Variants in CDC73 observed in about 807,000 individuals in gnomAD.
CDC73 encodes parafibromin.
CDC73 carries 21 observed loss-of-function variants against 83.7 expected under a neutral mutation model. The observed-to-expected ratio is 0.25, with a 90% CI of 0.18 to 0.36. The LOEUF is 0.36. Among genes scored for constraint, CDC73 ranks in the 10% least tolerant of loss-of-function variants. The pLI is 1.00. For missense variants in CDC73, 342 were observed against 653.3 expected, an observed-to-expected ratio of 0.52 and a Z score of 5.19; for synonymous variants, 224 against 212.9, an observed-to-expected ratio of 1.05 and a Z score of -0.45.
chr1:193,200,064 CAA>C (rs34458896), intron 10 of CDC73, among the ~76,000 whole-genome samples: 126 of 138,926 alleles, frequency 9.1e-4, no homozygotes, highest in Middle Eastern at 3.7e-3. Flanking sequence ...CTGTCTCCAC[CAA>C]AAAAAAAAAA....
At chr1:193,155,731 T>A (rs1409033471) in intron 10 of CDC73, among the ~76,000 whole-genome samples, 1 of 152,060 alleles carries the variant, frequency 6.6e-6, no homozygotes, top group Non-Finnish European at 1.5e-5. Context: ...GAGCCAGGAT[T>A]ATGCCACTGC....
Position 193,122,257 on chromosome 1 carries a change from G to A in CDC73, c.57G>A (p.Val19=), listed in dbSNP as rs1675464727. ...RQYNIQKKEI[V]VKGDEVIFGE... ...ACAACATCCAGAAGAAGGAGATTGT[G>A]GTGAAGGGAGACGAAGTGATCTTCG... The change falls in exon 1 of 17, where the codon GTG becomes GTA. Residue 19 remains valine, a synonymous_variant. Transcript: ENST00000367435. The A allele has an allele frequency of 2.5e-6, 4 of 1,614,104 alleles. No individual in the cohort carries two copies. Among genetic ancestry groups the A allele is most frequent in the South Asian group, 1.1e-5 (1 of 91,086 alleles).
At position 193,176,777 on chromosome 1, in the gene CDC73, C is replaced by T. The variant is rs1400563393; in HGVS notation, c.972+24333C>T. Among the ~76,000 whole-genome samples, 5 of 152,192 alleles carry T rather than the reference C, an allele frequency of 3.3e-5. No homozygotes were observed. In the South Asian group the frequency reaches 1.0e-3, roughly 32 times the overall value. ...ATGAACTGGTTTTACCTTCTCATGACAAAATGGTAGGTGACCAAACAGTAG... is the reference window on the plus strand; with the variant it reads ...ATGAACTGGTTTTACCTTCTCATGATAAAATGGTAGGTGACCAAACAGTAG... On this transcript the variant is annotated intron_variant, in intron 10 of 16. Transcript: ENST00000367435.
intron 10 of CDC73, among the ~76,000 whole-genome samples, chr1:193,189,234 G>T (rs890091143): frequency 6.6e-6 from 1 of 152,144 alleles, no homozygotes; most frequent in Non-Finnish European, 1.5e-5. Context: ...GATTACAGAC[G>T]TGAGCCACAG....
intron 13 of CDC73, among the ~76,000 whole-genome samples, chr1:193,215,219 G>A (rs1157773385): frequency 6.6e-6 from 1 of 152,142 alleles, no homozygotes; most frequent in Non-Finnish European, 1.5e-5. Flanking sequence ...CTCAAATTAT[G>A]TGCTGTTAGT....
At chr1:193,228,402 CAA>C (rs1348102315) in intron 13 of CDC73, among the ~76,000 whole-genome samples, 2 of 152,158 alleles carry the variant, frequency 1.3e-5, no homozygotes, top group South Asian at 2.1e-4. Flanking sequence ...TACGGAGGAA[CAA>C]AGAGAGAGGA....
chr1:193,246,393 TTC>T (rs1201535661), intron 15 of CDC73, among the ~76,000 whole-genome samples: 3 of 152,132 alleles, frequency 2.0e-5, no homozygotes, highest in Admixed American at 1.3e-4. Context: ...AGTTAAATTG[TTC>T]TTGTTTGCAG....
intron 13 of CDC73, among the ~76,000 whole-genome samples, chr1:193,216,286 A>C (rs905227093): frequency 1.1e-4 from 17 of 152,224 alleles, no homozygotes; most frequent in Non-Finnish European, 1.9e-4. Flanking sequence ...ACAGAAATAC[A>C]GAAAACCCTC....
Position 193,253,214 on chromosome 1 carries a change from C to T in CDC73, c.*2502C>T. On this transcript the variant is annotated 3_prime_UTR_variant, in exon 17 of 17. Transcript: ENST00000367435. The stretch of plus-strand genomic sequence containing the variant: ...TGGAGAGTTTTTAAAAATATCCATG[C>T]CTGAATCTTGATTCCCATTTTCATG... The T allele has an allele frequency of 4.3e-6, 1 of 232,450 alleles. No individual in the cohort carries two copies. The highest frequency in any genetic ancestry group is 8.5e-6 in the Non-Finnish European group (1 of 117,526). The allele number at this position is 232,450 out of a possible 1,614,324, so 14.4% of individuals were successfully genotyped here. A position where few individuals can be genotyped will look rare whatever the true frequency, so the allele number is the denominator to read the frequency against.
At chr1:193,185,359 T>C (rs2103162929) in intron 10 of CDC73, among the ~76,000 whole-genome samples, 1 of 152,186 alleles carries the variant, frequency 6.6e-6, no homozygotes, top group African/African-American at 2.4e-5. Context: ...CGAGGCTCTA[T>C]TGTGGGGTTA....
Position 193,152,384 on chromosome 1 carries a change from G to A in CDC73, c.912G>A (p.Thr304=), listed in dbSNP as rs758730118. Residue 304 remains threonine (T), a synonymous_variant, in exon 10 of 17, where the codon ACG becomes ACA. Coordinates refer to ENST00000367435, the MANE Select transcript of CDC73 (RefSeq NM_024529.5). Reference sequence around the variant, plus strand: ...TAAGCCTCTTTTTTTTCGTAGAAACGGAAGGCTTCAAAATTGACACTATGG... The same window carrying A: ...TAAGCCTCTTTTTTTTCGTAGAAACAGAAGGCTTCAAAATTGACACTATGG... ...DQERFKGKEE[T]EGFKIDTMGT... is the part of the protein sequence containing the mutation. 1.9e-6 allele frequency: 3 copies of A among 1,606,206 alleles called. No homozygotes were observed. Among genetic ancestry groups the A allele is most frequent in the African/African-American group, 1.3e-5 (1 of 74,728 alleles).
intron 5 of CDC73, among the ~76,000 whole-genome samples, chr1:193,137,048 G>T (rs1423336813): frequency 6.6e-6 from 1 of 152,138 alleles, no homozygotes; most frequent in Non-Finnish European, 1.5e-5. Flanking sequence ...TTTCAACATT[G>T]GTTTTCAGTT....
chr1:193,168,348 G>T (rs1676466422), intron 10 of CDC73, among the ~76,000 whole-genome samples: 1 of 152,154 alleles, frequency 6.6e-6, no homozygotes, highest in Non-Finnish European at 1.5e-5. Context: ...CAGTATTGTA[G>T]GCCCTGGGGA....
chr1:193,166,495 G>A (rs1676436642), intron 10 of CDC73, among the ~76,000 whole-genome samples: 1 of 152,022 alleles, frequency 6.6e-6, no homozygotes, highest in African/African-American at 2.4e-5. Flanking sequence ...GATTTAAAAT[G>A]GTTTAAATGT....
chr1:193,126,285 T>C (rs1307112876), intron 2 of CDC73, among the ~76,000 whole-genome samples: 1 of 152,240 alleles, frequency 6.6e-6, no homozygotes, highest in Non-Finnish European at 1.5e-5. Flanking sequence ...GCTGTTTTAG[T>C]ACTCTGGAGA....
Position 193,135,591 on chromosome 1 carries a change from TAAAG to T in CDC73, c.423+6_423+9del. On this transcript the variant is annotated splice_donor_5th_base_variant and intron_variant, in intron 5 of 16. Transcript: ENST00000367435. Reference sequence around the variant, plus strand: ...GAAGCAAAGAAACCACGAATTGAGGTAAAGAAACTGTATTTTAAACAATTTTATT... The same window carrying T: ...GAAGCAAAGAAACCACGAATTGAGGTAAACTGTATTTTAAACAATTTTATT... 6.2e-7 allele frequency: 1 copy of T among 1,601,846 alleles called. No homozygotes were observed. The highest frequency in any genetic ancestry group is 8.6e-7 in the Non-Finnish European group (1 of 1,169,284).
intron 13 of CDC73, among the ~76,000 whole-genome samples, chr1:193,231,824 C>T (rs1572214545): frequency 6.6e-6 from 1 of 152,206 alleles, no homozygotes; most frequent in East Asian, 1.9e-4. Context: ...AGTGCAAGTT[C>T]TCCTGTGCTT....
intron 10 of CDC73, among the ~76,000 whole-genome samples, chr1:193,199,981 C>T (rs1677061516): frequency 6.6e-6 from 1 of 151,182 alleles, no homozygotes; most frequent in Non-Finnish European, 1.5e-5. Flanking sequence ...TGGTGGTACA[C>T]ACCTGTAATC....
At chr1:193,249,598 G>A in intron 15 of CDC73, 132 bp from the exon 16 acceptor site, 1 of 718,894 alleles carries the variant, frequency 1.4e-6, no homozygotes, top group East Asian at 2.7e-5. Context: ...TATAAACCCT[G>A]AATGTTTTTA....
Sources: gnomAD v4.1 joint callset for allele counts (sites outside exome capture counted in the v4.1 genomes callset) on GRCh38, gnomAD v4.1.1 for gene constraint, MANE v1.5 for transcripts, NCBI Gene and HGNC (gene_info 2026-07-23, HGNC 2026-07-21) for gene names.